The following TRHDE variants were observed in gnomAD, a reference collection of about 807,000 sequenced individuals.
The protein encoded by TRHDE is thyrotropin-releasing hormone-degrading ectoenzyme.
A neutral mutation model predicts 125.7 loss-of-function variants in TRHDE; 72 were observed. The observed-to-expected ratio is 0.57, with a 90% CI of 0.47 to 0.70. The LOEUF (loss-of-function observed/expected upper bound fraction) is 0.70, where lower values mean the gene tolerates loss of function less well. TRHDE is among the 30% of genes least tolerant of loss of function. The pLI is 0.00. For missense variants in TRHDE, 1,110 were observed against 1,327.1 expected, an observed-to-expected ratio of 0.84 and a Z score of 2.54; for synonymous variants, 509 against 509.1, an observed-to-expected ratio of 1.00 and a Z score of 0.00.
At chr12:72,639,331 C>T (rs1873925288) in intron 15 of TRHDE, among the ~76,000 whole-genome samples, 1 of 150,846 alleles carries the variant, frequency 6.6e-6, no homozygotes, top group South Asian at 2.1e-4. Flanking sequence ...TCACGTAGTT[C>T]TCGAGCCTTG....
At chr12:72,146,044 A>G (rs1876219256) in intron 2 of TRHDE, among the ~76,000 whole-genome samples, 1 of 152,232 alleles carries the variant, frequency 6.6e-6, no homozygotes, top group South Asian at 2.1e-4. Context: ...TCTCACTACT[A>G]GAAATGTGTC....
chr12:72,557,930 G>C (rs1003664533), intron 7 of TRHDE, among the ~76,000 whole-genome samples: 2 of 151,332 alleles, frequency 1.3e-5, no homozygotes, highest in African/African-American at 4.9e-5. Flanking sequence ...GTTATCAACA[G>C]AAACAAATAT....
rs781083399 is a variant in TRHDE, at chr12:72,663,852, TATAG to T, written c.*662_*665del. The T allele has an allele frequency of 1.2e-4, 19 of 152,246 alleles. No individual in the cohort carries two copies. Among genetic ancestry groups the T allele is most frequent in the African/African-American group, 4.1e-4 (17 of 41,570 alleles). 9.4% of individuals were successfully genotyped at this position (152,246 alleles called of 1,614,324 possible). The stretch of plus-strand genomic sequence containing the variant: ...AGCTGTGTATACATTTTAAAAGGCA[TATAG>T]ATAGTGTATGCATATGTATATGTAC... On this transcript the variant is annotated 3_prime_UTR_variant, in exon 19 of 19. Transcript: ENST00000261180.
intron 3 of TRHDE, among the ~76,000 whole-genome samples, chr12:72,390,692 AAAGACAC>A (rs1265518659): frequency 3.9e-5 from 6 of 152,330 alleles, no homozygotes; most frequent in African/African-American, 1.4e-4. Flanking sequence ...TTACCATTGT[AAAGACAC>A]TCCATGATTA....
At chr12:72,474,909 A>G (rs1012390957) in intron 5 of TRHDE, among the ~76,000 whole-genome samples, 3 of 152,184 alleles carry the variant, frequency 2.0e-5, no homozygotes, top group African/African-American at 7.2e-5. Flanking sequence ...TAGTAATACC[A>G]TATCAATGTG....
intron 3 of TRHDE, among the ~76,000 whole-genome samples, chr12:72,430,360 T>G (rs1874406748): frequency 6.9e-6 from 1 of 145,874 alleles, no homozygotes; most frequent in Non-Finnish European, 1.5e-5. Flanking sequence ...TATACATATA[T>G]ACATATATAC....
chr12:72,290,296 A>G (rs986541341), intron 2 of TRHDE, among the ~76,000 whole-genome samples: 3 of 152,216 alleles, frequency 2.0e-5, no homozygotes, highest in Non-Finnish European at 2.9e-5. Flanking sequence ...GATGATTATA[A>G]ACACTGATTT....
chr12:72,629,997 C>T (rs888021347), intron 15 of TRHDE, among the ~76,000 whole-genome samples: 1 of 150,208 alleles, frequency 6.7e-6, no homozygotes, highest in Non-Finnish European at 1.5e-5. Flanking sequence ...AATATGGAAG[C>T]ATCAATATTG....
At chr12:72,113,796 T>G (rs1479145817) in intron 2 of TRHDE, among the ~76,000 whole-genome samples, 1 of 152,068 alleles carries the variant, frequency 6.6e-6, no homozygotes. Flanking sequence ...TAATTGATAT[T>G]ATGGTATTGG....
At chr12:72,166,041 A>G (rs944606434) in intron 2 of TRHDE, among the ~76,000 whole-genome samples, 4 of 151,824 alleles carry the variant, frequency 2.6e-5, no homozygotes, top group African/African-American at 9.7e-5. Flanking sequence ...CCTTATACAA[A>G]CCTAGATGGT....
At chr12:72,193,817 A>G (rs536735555) in intron 2 of TRHDE, among the ~76,000 whole-genome samples, 3 of 152,292 alleles carry the variant, frequency 2.0e-5, no homozygotes, top group Non-Finnish European at 2.9e-5. Flanking sequence ...GAAATTTTCC[A>G]TTTTGGATAA....
At chr12:72,326,406 C>T (rs889612841) in intron 2 of TRHDE, among the ~76,000 whole-genome samples, 2 of 151,812 alleles carry the variant, frequency 1.3e-5, no homozygotes, top group Non-Finnish European at 2.9e-5. Context: ...TTGAGGGGCG[C>T]GGGGCTAGGG....
intron 2 of TRHDE, among the ~76,000 whole-genome samples, chr12:72,293,672 T>C (rs750341664): frequency 2.0e-5 from 3 of 152,180 alleles, no homozygotes; most frequent in African/African-American, 7.2e-5. Flanking sequence ...TCAATGATCA[T>C]TGCTGGTTAC....
intron 2 of TRHDE, among the ~76,000 whole-genome samples, chr12:72,247,938 T>C (rs1878604385): frequency 6.6e-6 from 1 of 152,210 alleles, no homozygotes; most frequent in South Asian, 2.1e-4. Context: ...CTATCATCTA[T>C]CTTTTTATCA....
At chr12:72,479,621 T>C (rs937686367) in intron 5 of TRHDE, among the ~76,000 whole-genome samples, 2 of 146,290 alleles carry the variant, frequency 1.4e-5, no homozygotes, top group Non-Finnish European at 3.0e-5. Flanking sequence ...AAAAAAATTA[T>C]ACATGTTTTT....
chr12:72,528,732 C>A (rs367780298), intron 6 of TRHDE, among the ~76,000 whole-genome samples: 1 of 151,926 alleles, frequency 6.6e-6, no homozygotes, highest in South Asian at 2.1e-4. Context: ...CGTGACCCCC[C>A]GCCTCTGCCT....
chr12:72,127,002 CA>C (rs1592450593), intron 2 of TRHDE, among the ~76,000 whole-genome samples: 2 of 151,898 alleles, frequency 1.3e-5, no homozygotes, highest in East Asian at 3.9e-4. Flanking sequence ...ATTAAACAAG[CA>C]AAAACCAAAT....
chr12:72,240,977 C>G (rs565000880), intron 2 of TRHDE, among the ~76,000 whole-genome samples: 96 of 152,126 alleles, frequency 6.3e-4, no homozygotes, highest in African/African-American at 2.1e-3. Context: ...TTAACAGCCG[C>G]AAGCCACTCT....
At chr12:72,637,227 C>T (rs1169359921) in intron 15 of TRHDE, among the ~76,000 whole-genome samples, 1 of 152,216 alleles carries the variant, frequency 6.6e-6, no homozygotes, top group South Asian at 2.1e-4. Flanking sequence ...CTGGTTTAGT[C>T]TTGGGAGAGT....
Sources: gnomAD v4.1 joint callset for allele counts (sites outside exome capture counted in the v4.1 genomes callset) on GRCh38, gnomAD v4.1.1 for gene constraint, MANE v1.5 for transcripts, NCBI Gene and HGNC (gene_info 2026-07-23, HGNC 2026-07-21) for gene names.